DAB1: variants seen among roughly 807,000 people sequenced by gnomAD.
DAB1 encodes the protein DAB adaptor protein 1.
Under a neutral mutation model 64.6 loss-of-function variants are expected in DAB1, and 15 were observed. The ratio of observed to expected loss-of-function variants is 0.23; its 90% CI spans 0.16 to 0.36. DAB1 has a LOEUF of 0.36. Among genes scored for constraint, DAB1 ranks in the 10% least tolerant of loss-of-function variants. The probability of loss-of-function intolerance (pLI) is 1.00; values close to 1 mark genes in which losing one functional copy is unlikely to be tolerated. For missense variants in DAB1, 596 were observed against 706.7 expected, an observed-to-expected ratio of 0.84 and a Z score of 1.78; for synonymous variants, 235 against 251.9, an observed-to-expected ratio of 0.93 and a Z score of 0.64.
intron 5 of DAB1, among the ~76,000 whole-genome samples, chr1:58,041,840 G>A (rs762595480): frequency 6.6e-6 from 1 of 152,216 alleles, no homozygotes; most frequent in African/African-American, 2.4e-5. Flanking sequence ...CACTCCCAGA[G>A]TCAGAACCAC....
chr1:57,506,028 A>C (rs1304625529), intron 7 of DAB1, among the ~76,000 whole-genome samples: 2 of 152,306 alleles, frequency 1.3e-5, no homozygotes, highest in East Asian at 3.9e-4. Context: ...ATTTTAGAAC[A>C]ATATTTCATT....
intron 5 of DAB1, among the ~76,000 whole-genome samples, chr1:58,081,446 C>T (rs115651751): frequency 0.013 from 2,046 of 152,346 alleles, 39 homozygotes; most frequent in African/African-American, 0.047. Flanking sequence ...GCTGATGGAG[C>T]AGCCATTGAT....
intron 5 of DAB1, among the ~76,000 whole-genome samples, chr1:58,009,992 C>G (rs965978402): frequency 5.3e-5 from 8 of 152,230 alleles, no homozygotes; most frequent in African/African-American, 1.7e-4. Context: ...TCTCTATGTT[C>G]CAGGTTGGGT....
chr1:57,071,284 C>T, intron 6 of DAB1: 1 of 648,292 alleles, frequency 1.5e-6, no homozygotes, highest in Non-Finnish European at 2.6e-6. Flanking sequence ...TTTCTTGGGT[C>T]CTCCACCCCT....
At chr1:57,150,788 A>C (rs1659582276) in intron 2 of DAB1, among the ~76,000 whole-genome samples, 1 of 152,270 alleles carries the variant, frequency 6.6e-6, no homozygotes. Context: ...ATATTTGGAG[A>C]ACAGTGAGTA....
At chr1:57,224,870 G>T (rs947921803) in intron 2 of DAB1, among the ~76,000 whole-genome samples, 1 of 152,108 alleles carries the variant, frequency 6.6e-6, no homozygotes, top group Non-Finnish European at 1.5e-5. Context: ...TTTCAGCCAG[G>T]CCCCCAGACC....
At chr1:57,431,155 A>G (rs1001763123) in intron 7 of DAB1, among the ~76,000 whole-genome samples, 3 of 151,594 alleles carry the variant, frequency 2.0e-5, no homozygotes, top group African/African-American at 7.3e-5. Flanking sequence ...AAAAAAAAAA[A>G]AAGAAAAACA....
chr1:57,777,654 C>G (rs1440062495), intron 6 of DAB1, among the ~76,000 whole-genome samples: 1 of 151,720 alleles, frequency 6.6e-6, no homozygotes, highest in Non-Finnish European at 1.5e-5. Flanking sequence ...ACATTTGTAT[C>G]CTCTTAATGT....
chr1:58,085,975 T>G (rs1003810994), intron 5 of DAB1, among the ~76,000 whole-genome samples: 1 of 143,248 alleles, frequency 7.0e-6, no homozygotes, highest in Admixed American at 6.9e-5. Flanking sequence ...TTTTTTTTTT[T>G]TTTTTTGAGA....
At chr1:57,924,246 T>C (rs999986230) in intron 5 of DAB1, among the ~76,000 whole-genome samples, 1 of 152,218 alleles carries the variant, frequency 6.6e-6, no homozygotes, top group Non-Finnish European at 1.5e-5. Context: ...GACTATCGGA[T>C]GGAAGAGACA....
intron 8 of DAB1, among the ~76,000 whole-genome samples, chr1:57,066,700 G>A (rs543946617): frequency 2.6e-5 from 4 of 152,182 alleles, no homozygotes; most frequent in Admixed American, 2.0e-4. Context: ...CTGACAACAC[G>A]CAAGGAAGGA....
chr1:57,566,941 C>T (rs1260926438), intron 7 of DAB1, among the ~76,000 whole-genome samples: 3 of 152,158 alleles, frequency 2.0e-5, no homozygotes, highest in South Asian at 4.2e-4. Flanking sequence ...CCAGCATCAT[C>T]CTGATACCAA....
chr1:58,225,165 A>T (rs1267561735), intron 4 of DAB1, among the ~76,000 whole-genome samples: 2 of 152,000 alleles, frequency 1.3e-5, no homozygotes, highest in Non-Finnish European at 2.9e-5. Flanking sequence ...ATGAACAGAC[A>T]CTTCGCAAAA....
intron 4 of DAB1, among the ~76,000 whole-genome samples, chr1:57,112,835 G>A (rs1254959254): frequency 2.6e-5 from 4 of 151,990 alleles, no homozygotes; most frequent in Admixed American, 6.6e-5. Flanking sequence ...TAGACAGTAG[G>A]GGGTACAAAG....
At chr1:58,133,564 G>C (rs1385588988) in intron 5 of DAB1, among the ~76,000 whole-genome samples, 2 of 152,214 alleles carry the variant, frequency 1.3e-5, no homozygotes, top group African/African-American at 4.8e-5. Context: ...TCCAGGGCCA[G>C]AGTATACTAA....
At chr1:57,305,070 A>T (rs1180002129) in intron 1 of DAB1, among the ~76,000 whole-genome samples, 1 of 152,206 alleles carries the variant, frequency 6.6e-6, no homozygotes, top group East Asian at 1.9e-4. Flanking sequence ...GAAACTGATG[A>T]CACATTCACA....
intron 4 of DAB1, among the ~76,000 whole-genome samples, chr1:58,328,151 C>G (rs1394586033): frequency 3.3e-5 from 5 of 152,260 alleles, no homozygotes; most frequent in African/African-American, 4.8e-5. Context: ...CTGCCCAACC[C>G]TGCTTCCTCT....
intron 2 of DAB1, among the ~76,000 whole-genome samples, chr1:57,235,900 T>C (rs992500310): frequency 2.0e-5 from 3 of 152,318 alleles, no homozygotes; most frequent in South Asian, 2.1e-4. Flanking sequence ...GTCCACTCCA[T>C]TAGGAGCATA....
chr1:57,230,117 T>G (rs1248980159), intron 2 of DAB1, among the ~76,000 whole-genome samples: 2 of 152,346 alleles, frequency 1.3e-5, no homozygotes, highest in Admixed American at 1.3e-4. Flanking sequence ...ATAGTCTTTC[T>G]TGTGATTACA....
Sources: gnomAD v4.1 joint callset for allele counts (sites outside exome capture counted in the v4.1 genomes callset) on GRCh38, gnomAD v4.1.1 for gene constraint, MANE v1.5 for transcripts, NCBI Gene and HGNC (gene_info 2026-07-23, HGNC 2026-07-21) for gene names.